Variants in SGK3 observed in about 807,000 individuals in gnomAD.
SGK3 encodes the protein serine/threonine-protein kinase Sgk3.
A neutral mutation model predicts 68.5 loss-of-function variants in SGK3; 47 were observed. The observed-to-expected ratio is 0.69, with a 90% confidence interval of 0.54 to 0.87. The LOEUF is 0.87. SGK3 is among the 40% of genes least tolerant of loss of function. The pLI is 0.00. For synonymous variants in SGK3, 181 were observed against 189.1 expected, an observed-to-expected ratio of 0.96 and a Z score of 0.35; for missense variants, 479 against 575.5, an observed-to-expected ratio of 0.83 and a Z score of 1.72.
rs754491610 is a variant in SGK3, at chr8:66,850,910, A to T, written c.1310A>T (p.Asn437Ile). Residue 437 changes from asparagine (N) to isoleucine (I), a missense_variant, in exon 16 of 17, where the codon AAT becomes ATT. By Grantham distance (149) the Asn-to-Ile change is moderately radical. Transcript: ENST00000521198. Reference sequence around the variant, plus strand: ...CAAAAGAAGATTCCACCACCATTTAATCCTAATGTGGTAAGTATATATCCA... The same window carrying T: ...CAAAAGAAGATTCCACCACCATTTATTCCTAATGTGGTAAGTATATATCCA... ...LVQKKIPPPF[N>I]PNVAGPDDIR... 27 of 1,610,256 alleles carry T rather than the reference A, an allele frequency of 1.7e-5. No homozygotes were observed. Among genetic ancestry groups the T allele is most frequent in the Non-Finnish European group, 2.2e-5 (26 of 1,177,970 alleles).
chr8:66,830,626 A>G (rs72654907), intron 7 of SGK3, among the ~76,000 whole-genome samples: 8,995 of 152,316 alleles, frequency 0.059, 340 homozygotes, highest in Non-Finnish European at 0.085. Flanking sequence ...TGATAGGTTA[A>G]GTTAACATAA....
At chr8:66,810,615 C>G (rs559991086) in intron 4 of SGK3, among the ~76,000 whole-genome samples, 1 of 152,128 alleles carries the variant, frequency 6.6e-6, no homozygotes, top group Non-Finnish European at 1.5e-5. Flanking sequence ...TCAGGAGAAT[C>G]GCTTGAACCT....
At chr8:66,853,397 G>A (rs2130754191) in intron 16 of SGK3, among the ~76,000 whole-genome samples, 1 of 152,276 alleles carries the variant, frequency 6.6e-6, no homozygotes, top group East Asian at 1.9e-4. Flanking sequence ...AAAAACAGTT[G>A]ACAGAAATAG....
At chr8:66,793,100 A>T (rs553856479) in intron 1 of SGK3, among the ~76,000 whole-genome samples, 5 of 152,324 alleles carry the variant, frequency 3.3e-5, no homozygotes, top group African/African-American at 1.2e-4. Flanking sequence ...CAAAAGAATC[A>T]TCCACAGTTA....
At chr8:66,748,876 C>G (rs1805724022) in intron 1 of SGK3, among the ~76,000 whole-genome samples, 1 of 151,664 alleles carries the variant, frequency 6.6e-6, no homozygotes, top group South Asian at 2.1e-4. Flanking sequence ...CTGTAAAATT[C>G]TCACTAGATT....
chr8:66,850,340 T>C (rs1810223821), intron 15 of SGK3, among the ~76,000 whole-genome samples: 1 of 152,240 alleles, frequency 6.6e-6, no homozygotes, highest in Admixed American at 6.5e-5. Flanking sequence ...TGCCATTGTT[T>C]GGTAATACCA....
chr8:66,741,684 T>G, intron 1 of SGK3, among the ~76,000 whole-genome samples: 1 of 152,066 alleles, frequency 6.6e-6, no homozygotes, highest in Middle Eastern at 3.2e-3. Flanking sequence ...CTGGACAACA[T>G]AGTGAGACCC....
At chr8:66,848,409 A>G (rs964111914) in intron 15 of SGK3, among the ~76,000 whole-genome samples, 2 of 152,026 alleles carry the variant, frequency 1.3e-5, no homozygotes, top group Non-Finnish European at 2.9e-5. Context: ...TGTATTAACT[A>G]TTTCACACCT....
At chr8:66,745,446 C>T (rs532285773) in intron 1 of SGK3, among the ~76,000 whole-genome samples, 7 of 152,044 alleles carry the variant, frequency 4.6e-5, no homozygotes, top group African/African-American at 7.2e-5. Context: ...TGGTGGCGGG[C>T]GCCTGTAGTC....
rs34161130 is a variant in SGK3 at position 66,847,864 on chromosome 8, C to CT, written c.1230+538dup. On this transcript the variant is annotated intron_variant, in intron 15 of 16. Coordinates refer to ENST00000521198, the MANE Select transcript of SGK3 (RefSeq NM_001033578.3). ...GTCTTTTGCCTTGAACACTAAGTCA[C>CT]TTTTTTTTTTTTTTTTTTTTTTAAG... 6.4e-3 allele frequency among the ~76,000 whole-genome samples: 710 copies of CT among 111,102 alleles called. 5 individuals are homozygous for CT. Among genetic ancestry groups the CT allele is most frequent in the Middle Eastern group, 0.034 (6 of 176 alleles). The allele number at this position is 111,102 out of a possible 152,430, so 72.9% of individuals were successfully genotyped here.
chr8:66,807,402 T>C (rs1030327078), intron 4 of SGK3, among the ~76,000 whole-genome samples: 3 of 152,250 alleles, frequency 2.0e-5, no homozygotes, highest in Non-Finnish European at 4.4e-5. Flanking sequence ...GCAACATTGC[T>C]GCTTCATTGT....
intron 1 of SGK3, among the ~76,000 whole-genome samples, chr8:66,725,944 C>T (rs187208493): frequency 6.6e-6 from 1 of 152,116 alleles, no homozygotes; most frequent in East Asian, 1.9e-4. Flanking sequence ...TTATCTTCTC[C>T]CCATGATATC....
At chr8:66,844,763 A>C (rs1809939662) in intron 14 of SGK3, among the ~76,000 whole-genome samples, 1 of 152,320 alleles carries the variant, frequency 6.6e-6, no homozygotes, top group South Asian at 2.1e-4. Context: ...TTACAGTGAA[A>C]TTCAGCACAT....
intron 3 of SGK3, among the ~76,000 whole-genome samples, chr8:66,803,952 A>G (rs1188874693): frequency 1.3e-5 from 2 of 152,192 alleles, no homozygotes; most frequent in African/African-American, 4.8e-5. Flanking sequence ...CAATCTATTC[A>G]TGTAGAGAAA....
intron 1 of SGK3, among the ~76,000 whole-genome samples, chr8:66,786,289 T>C (rs1319728927): frequency 1.3e-5 from 2 of 152,194 alleles, no homozygotes; most frequent in Non-Finnish European, 2.9e-5. Context: ...GTATAATGGA[T>C]AGAAGCCCTG....
At chr8:66,747,105 G>C (rs1805676044) in intron 1 of SGK3, among the ~76,000 whole-genome samples, 1 of 151,536 alleles carries the variant, frequency 6.6e-6, no homozygotes, top group Non-Finnish European at 1.5e-5. Flanking sequence ...TTTAGATTTT[G>C]ACAGGCTAGT....
chr8:66,747,027 T>C (rs1805673319), intron 1 of SGK3, among the ~76,000 whole-genome samples: 1 of 152,126 alleles, frequency 6.6e-6, no homozygotes, highest in South Asian at 2.1e-4. Context: ...ATCTATTATA[T>C]AGATTTTAAA....
intron 5 of SGK3, among the ~76,000 whole-genome samples, chr8:66,819,457 T>C (rs998740204): frequency 3.9e-5 from 6 of 152,220 alleles, no homozygotes; most frequent in Admixed American, 3.9e-4. Flanking sequence ...TAATGAAAAG[T>C]TGGAAGTCAT....
chr8:66,815,731 AG>A (rs1397697618), intron 5 of SGK3, among the ~76,000 whole-genome samples: 1 of 152,218 alleles, frequency 6.6e-6, no homozygotes, highest in Non-Finnish European at 1.5e-5. Context: ...TAAGTTACTC[AG>A]AACCCCTAAC....
Sources: allele counts gnomAD v4.1 joint callset (sites outside exome capture counted in the v4.1 genomes callset), GRCh38; gene constraint gnomAD v4.1.1; transcripts MANE v1.5; gene names NCBI Gene and HGNC (gene_info 2026-07-23, HGNC 2026-07-21).